PLXNC1: variants seen among roughly 807,000 people sequenced by gnomAD.
The protein encoded by PLXNC1 is plexin-C1.
In PLXNC1, 75 loss-of-function variants were observed where a neutral mutation model predicts 178.2. The observed-to-expected ratio is 0.42, with a 90% confidence interval of 0.35 to 0.51. The LOEUF is 0.51. Among genes scored for constraint, PLXNC1 ranks in the 20% least tolerant of loss-of-function variants. The probability of loss-of-function intolerance (pLI) is 0.02; values close to 1 mark genes in which losing one functional copy is unlikely to be tolerated. For synonymous variants in PLXNC1, 790 were observed against 779.9 expected, an observed-to-expected ratio of 1.01 and a Z score of -0.22; for missense variants, 1,503 against 1,984.4, an observed-to-expected ratio of 0.76 and a Z score of 4.61.
intron 1 of PLXNC1, among the ~76,000 whole-genome samples, chr12:94,163,238 C>T (rs1217475739): frequency 1.3e-5 from 2 of 151,944 alleles, no homozygotes; most frequent in Non-Finnish European, 1.5e-5. Context: ...GTGGCAGGCA[C>T]CTGTAGCTAC....
rs1415324638 is a variant in PLXNC1, at chr12:94,181,597, G to A, written c.1338+17G>A. 6.3e-7 allele frequency: 1 copy of A among 1,580,334 alleles called. No homozygotes were observed. Among genetic ancestry groups the A allele is most frequent in the Non-Finnish European group, 8.7e-7 (1 of 1,154,220 alleles). On this transcript the variant is annotated intron_variant, in intron 3 of 30. Coordinates refer to ENST00000258526, the MANE Select transcript of PLXNC1 (RefSeq NM_005761.3). ...GGGAAAGAGGTAGGTAGAAATACTA[G>A]TTATTGCTTCTGATTTATGAATAAA... is the stretch of plus-strand genomic sequence containing the variant.
chr12:94,163,300 G>A (rs976641685), intron 1 of PLXNC1, among the ~76,000 whole-genome samples: 2 of 152,098 alleles, frequency 1.3e-5, no homozygotes, highest in South Asian at 2.1e-4. Flanking sequence ...AGAGGTTGCC[G>A]TGAGCCGAGA....
intron 15 of PLXNC1, among the ~76,000 whole-genome samples, chr12:94,252,246 A>G (rs1384521707): frequency 6.6e-6 from 1 of 151,896 alleles, no homozygotes; most frequent in Admixed American, 6.6e-5. Flanking sequence ...TTCAGTCTTG[A>G]TTTTCTGGGC....
At chr12:94,275,434 C>G (rs1304874769) in intron 21 of PLXNC1, among the ~76,000 whole-genome samples, 1 of 152,198 alleles carries the variant, frequency 6.6e-6, no homozygotes, top group Non-Finnish European at 1.5e-5. Context: ...TGATGTCACG[C>G]TGTCTGACAT....
intron 3 of PLXNC1, 27 bp downstream of exon 3, chr12:94,181,607 C>G: frequency 6.4e-7 from 1 of 1,560,642 alleles, no homozygotes; most frequent in Non-Finnish European, 8.8e-7. Flanking sequence ...GTTATTGCTT[C>G]TGATTTATGA....
At chr12:94,177,305 G>A (rs1294309585) in intron 2 of PLXNC1, among the ~76,000 whole-genome samples, 1 of 146,090 alleles carries the variant, frequency 6.8e-6, no homozygotes, top group Non-Finnish European at 1.5e-5. Context: ...TTGTAATTTT[G>A]ATAGATGATG....
At chr12:94,261,880 TA>T (rs199613739) in intron 20 of PLXNC1, among the ~76,000 whole-genome samples, 35 of 152,288 alleles carry the variant, frequency 2.3e-4, no homozygotes, top group Admixed American at 2.0e-3. Context: ...ATTTTTTTTT[TA>T]ATTTCTCACC....
Position 94,220,090 on chromosome 12 carries a change from G to A in PLXNC1, c.1629G>A (p.Arg543=). The change falls in exon 6 of 31, where the codon AGG becomes AGA. Residue 543 remains arginine, a synonymous_variant. Transcript: ENST00000258526. The part of the protein sequence containing the change: ...KCMVKNVDSS[R]ELCQNKSQPN... ...TGGTGAAGAATGTGGACTCTAGCAG[G>A]GAGCTCTGCCAGAATAAAAGTCAGC... The A allele has an allele frequency of 6.2e-7, 1 of 1,613,606 alleles. No homozygotes were observed. Among genetic ancestry groups the A allele is most frequent in the African/African-American group, 1.3e-5 (1 of 74,998 alleles).
chr12:94,243,054 G>A (rs1226920567), intron 11 of PLXNC1, among the ~76,000 whole-genome samples: 2 of 152,242 alleles, frequency 1.3e-5, no homozygotes, highest in Admixed American at 1.3e-4. Flanking sequence ...CTGGCCATCG[G>A]GAGATCACGC....
chr12:94,284,376 G>T (rs1966688232), intron 23 of PLXNC1, among the ~76,000 whole-genome samples: 2 of 152,148 alleles, frequency 1.3e-5, no homozygotes, highest in Non-Finnish European at 2.9e-5. Flanking sequence ...CCAGAAATGA[G>T]CAAGAGCAGC....
At chr12:94,220,393 A>G (rs985732359) in intron 6 of PLXNC1, among the ~76,000 whole-genome samples, 9 of 152,196 alleles carry the variant, frequency 5.9e-5, no homozygotes, top group African/African-American at 1.7e-4. Context: ...GAGAAGGGCA[A>G]GTTGGATAGG....
Position 94,297,165 on chromosome 12 carries a change from TCTCC to T in PLXNC1, c.3935-20_3935-17del, listed in dbSNP as rs769635410. ...TTGCTTTTTTTAATGGACTGCTTTCTCTCCCTCTTTCTCTGGCATTCAGATGTGG... is the reference window on the plus strand; with the variant it reads ...TTGCTTTTTTTAATGGACTGCTTTCTCTCTTTCTCTGGCATTCAGATGTGG... On this transcript the variant is annotated intron_variant, in intron 24 of 30. Coordinates refer to ENST00000258526, the MANE Select transcript of PLXNC1 (RefSeq NM_005761.3). 3.0e-4 allele frequency: 477 copies of T among 1,612,982 alleles called. No individual in the cohort carries two copies. The highest frequency in any genetic ancestry group is 3.7e-4 in the Non-Finnish European group (435 of 1,179,648).
At chr12:94,293,353 A>C (rs1389288133) in intron 23 of PLXNC1, among the ~76,000 whole-genome samples, 2 of 152,246 alleles carry the variant, frequency 1.3e-5, no homozygotes, top group South Asian at 2.1e-4. Context: ...GGTAGATACC[A>C]ACTTTATATA....
intron 4 of PLXNC1, among the ~76,000 whole-genome samples, chr12:94,194,199 G>A (rs12228550): frequency 0.18 from 27,808 of 151,960 alleles, 2,626 homozygotes; most frequent in East Asian, 0.28. Flanking sequence ...TCACCATCAC[G>A]AAAACAGCAC....
chr12:94,277,148 T>C (rs1028091125), intron 21 of PLXNC1: 5 of 152,224 alleles, frequency 3.3e-5, no homozygotes, highest in Non-Finnish European at 7.3e-5. Context: ...CAAGAGTTGG[T>C]GTCCTGTGAG....
chr12:94,157,051 G>A (rs757342101), intron 1 of PLXNC1, among the ~76,000 whole-genome samples: 2 of 152,154 alleles, frequency 1.3e-5, no homozygotes, highest in African/African-American at 2.4e-5. Context: ...GCTACTAACT[G>A]GCAATGACTT....
chr12:94,301,267 C>T (rs896657202), intron 28 of PLXNC1, among the ~76,000 whole-genome samples: 1 of 152,162 alleles, frequency 6.6e-6, no homozygotes, highest in African/African-American at 2.4e-5. Context: ...TAATTAGCCC[C>T]ACCCAACTGC....
At position 94,149,600 on chromosome 12, in the gene PLXNC1, C is replaced by A; in HGVS notation, c.629C>A (p.Thr210Lys). 6.3e-7 allele frequency: 1 copy of A among 1,577,314 alleles called. No individual in the cohort carries two copies. Among genetic ancestry groups the A allele is most frequent in the Non-Finnish European group, 8.6e-7 (1 of 1,163,444 alleles). ...DHDTAIALKD[T>K]EGRSLATQEL... ...GACACGGCCATCGCGCTCAAGGACACGGAGGGGCGCAGCCTGGCCACGCAG... is the reference window on the plus strand; with the variant it reads ...GACACGGCCATCGCGCTCAAGGACAAGGAGGGGCGCAGCCTGGCCACGCAG... Residue 210 changes from threonine to lysine, a missense_variant, in exon 1 of 31, where the codon ACG becomes AAG. By Grantham distance (78) the Thr-to-Lys change is moderately conservative. Coordinates refer to ENST00000258526, the MANE Select transcript of PLXNC1 (RefSeq NM_005761.3).
intron 1 of PLXNC1, among the ~76,000 whole-genome samples, chr12:94,157,210 C>A (rs971780547): frequency 6.6e-6 from 1 of 152,182 alleles, no homozygotes; most frequent in African/African-American, 2.4e-5. Context: ...GAGGATCAAA[C>A]ATGCAATTGT....
Sources: allele counts gnomAD v4.1 joint callset (sites outside exome capture counted in the v4.1 genomes callset), GRCh38; gene constraint gnomAD v4.1.1; transcripts MANE v1.5; gene names NCBI Gene and HGNC (gene_info 2026-07-23, HGNC 2026-07-21).